The following CLASP1 variants were observed in gnomAD, a reference collection of about 807,000 sequenced individuals.
CLASP1 encodes the protein CLIP-associating protein 1.
In CLASP1, 38 loss-of-function variants were observed where a neutral mutation model predicts 192.3. The observed-to-expected ratio is 0.20, with a 90% confidence interval of 0.15 to 0.26. The LOEUF (loss-of-function observed/expected upper bound fraction) is 0.26. CLASP1 is among the 10% of genes least tolerant of loss of function. The probability of loss-of-function intolerance (pLI) is 1.00; values close to 1 mark genes in which losing one functional copy is unlikely to be tolerated. For missense variants in CLASP1, 1,433 were observed against 1,932.5 expected (o/e 0.74, Z 4.85); for synonymous variants, 691 against 712.8 (o/e 0.97, Z 0.49).
intron 16 of CLASP1, 109 bp downstream of exon 16, chr2:121,450,804 T>G: frequency 1.4e-6 from 1 of 735,758 alleles, no homozygotes; most frequent in Non-Finnish European, 2.2e-6. Context: ...TTAAAAGTCA[T>G]GGTTAACAAA....
At chr2:121,498,334 C>A (rs1169550457) in intron 8 of CLASP1, among the ~76,000 whole-genome samples, 1 of 151,874 alleles carries the variant, frequency 6.6e-6, no homozygotes, top group East Asian at 1.9e-4. Context: ...CCACCACCCC[C>A]CCAGCTGGGA....
chr2:121,449,252 G>A (rs780652042), intron 16 of CLASP1, 132 bp from the exon 17 acceptor site: 10 of 701,766 alleles, frequency 1.4e-5, no homozygotes, highest in South Asian at 2.1e-5. Context: ...AGCAGGAGGA[G>A]AGGGTAAACA....
intron 22 of CLASP1, among the ~76,000 whole-genome samples, chr2:121,423,463 A>T (rs903513407): frequency 6.6e-6 from 1 of 152,210 alleles, no homozygotes. Flanking sequence ...TTCAAGAAGA[A>T]GATTAAAATG....
At chr2:121,433,325 GA>G (rs1312953084) in intron 19 of CLASP1, among the ~76,000 whole-genome samples, 969 of 93,574 alleles carry the variant, frequency 0.01, 7 homozygotes, top group African/African-American at 0.032. Flanking sequence ...GTCTAAAAAA[GA>G]AAAAAAAAAA....
intron 30 of CLASP1, among the ~76,000 whole-genome samples, chr2:121,392,017 AT>A (rs1252050480): frequency 6.6e-6 from 1 of 152,180 alleles, no homozygotes; most frequent in Admixed American, 6.5e-5. Context: ...TTATAATCAT[AT>A]TTTTTTAAAA....
At chr2:121,414,477 C>T (rs1046868277) in intron 23 of CLASP1, among the ~76,000 whole-genome samples, 2 of 152,132 alleles carry the variant, frequency 1.3e-5, no homozygotes, top group African/African-American at 4.8e-5. Flanking sequence ...ACTCGGACTC[C>T]AGGGTTATAT....
intron 8 of CLASP1, among the ~76,000 whole-genome samples, chr2:121,491,060 G>A (rs1036181997): frequency 6.6e-6 from 1 of 152,176 alleles, no homozygotes; most frequent in Admixed American, 6.5e-5. Flanking sequence ...AACAGAATCT[G>A]TCAATGGTCT....
chr2:121,530,193 G>C, intron 3 of CLASP1, 54 bp downstream of exon 3: 1 of 1,469,122 alleles, frequency 6.8e-7, no homozygotes, highest in Non-Finnish European at 9.3e-7. Flanking sequence ...GGAGGCCGAG[G>C]GAAGGCTGGG....
In CLASP1 at chr2:121,603,250, A is replaced by T. The variant is rs529422059; in HGVS notation, c.195+2451T>A. The stretch of plus-strand genomic sequence containing the variant: ...TATATATATATACATATCCAATTTT[A>T]AAAATGGACAAATAATCTGAACAGA... On this transcript the variant is annotated intron_variant, in intron 2 of 39. Transcript: ENST00000263710. 3.9e-5 allele frequency: 6 copies of T among 152,166 alleles called. No individual in the cohort carries two copies. The South Asian group carries it at 1.2e-3, about 32-fold the overall frequency. The allele number at this position is 152,166 out of a possible 1,614,324, so 9.4% of individuals were successfully genotyped here. A position where few individuals can be genotyped will look rare whatever the true frequency, so the allele number is the denominator to read the frequency against.
At chr2:121,382,358 A>T (rs866599850) in intron 32 of CLASP1, 34 bp from the exon 34 acceptor site, 5 of 1,394,326 alleles carry the variant, frequency 3.6e-6, no homozygotes, top group Middle Eastern at 1.9e-4. Flanking sequence ...TCAGAGAGAG[A>T]AATACAAAAA....
intron 2 of CLASP1, among the ~76,000 whole-genome samples, chr2:121,589,351 C>G (rs536608180): frequency 6.6e-6 from 1 of 152,144 alleles, no homozygotes; most frequent in Non-Finnish European, 1.5e-5. Context: ...CACTATAGGC[C>G]GGGTGCGGTG....
At chr2:121,483,548 GTGTGTGTATATATATGTATGTATATATA>G (rs2092768596) in intron 8 of CLASP1, among the ~76,000 whole-genome samples, 1 of 150,610 alleles carries the variant, frequency 6.6e-6, no homozygotes, top group Non-Finnish European at 1.5e-5. Flanking sequence ...ATGTATATAT[GTGTGTGTATATATATGTATGTATATATA>G]TGTGTGTATA....
intron 37 of CLASP1, among the ~76,000 whole-genome samples, chr2:121,358,510 G>C (rs2065817258): frequency 6.6e-6 from 1 of 152,184 alleles, no homozygotes; most frequent in Admixed American, 6.5e-5. Flanking sequence ...GTCAGCTAGT[G>C]ATTCTAACTG....
intron 8 of CLASP1, among the ~76,000 whole-genome samples, chr2:121,496,498 C>T (rs2093538709): frequency 6.6e-6 from 1 of 152,080 alleles, no homozygotes; most frequent in Non-Finnish European, 1.5e-5. Flanking sequence ...TGGGAAAAAG[C>T]AGAGAGAAAA....
chr2:121,530,394 C>G, intron 2 of CLASP1, 69 bp from the exon 3 acceptor site: 1 of 1,287,462 alleles, frequency 7.8e-7, no homozygotes, highest in Non-Finnish European at 1.1e-6. Flanking sequence ...CCACCCGCTC[C>G]GGGGAGGCCT....
At position 121,410,252 on chromosome 2, in the gene CLASP1, C is replaced by T. The variant is rs565264484; in HGVS notation, c.2424+614G>A. On this transcript the variant is annotated intron_variant, in intron 24 of 39. Coordinates refer to ENST00000263710, the Ensembl canonical transcript of CLASP1. ...AAAGCAATCTGACCACAAGCTGATT[C>T]TACTAGGAAACTTTTTGGTATAACC... Among the ~76,000 whole-genome samples the T allele has an allele frequency of 2.6e-5, 4 of 152,210 alleles. No individual in the cohort carries two copies. The East Asian group carries it at 7.7e-4, about 29-fold the overall frequency.
chr2:121,382,200 C>A lies in CLASP1; in HGVS notation c.3491+8G>T, dbSNP rs543508575. 2 of 1,594,088 alleles carry A rather than the reference C, an allele frequency of 1.3e-6. No individual in the cohort carries two copies. Among genetic ancestry groups the A allele is most frequent in the Non-Finnish European group, 1.7e-6 (2 of 1,167,360 alleles). On this transcript the variant is annotated splice_region_variant and intron_variant, in intron 33 of 39. Transcript: ENST00000263710. ...CACCTCAGACAAGTTTGACAGGTAGCTTGTTACCTGGGAGAGTAAGAGCGC... is the reference window on the plus strand; with the variant it reads ...CACCTCAGACAAGTTTGACAGGTAGATTGTTACCTGGGAGAGTAAGAGCGC...
At chr2:121,517,905 A>T (rs1439394611) in intron 6 of CLASP1, among the ~76,000 whole-genome samples, 10 of 114,434 alleles carry the variant, frequency 8.7e-5, no homozygotes, top group African/African-American at 3.7e-4. Flanking sequence ...AAAAGGAGGT[A>T]ACTGGGTATG....
intron 2 of CLASP1, among the ~76,000 whole-genome samples, chr2:121,538,576 A>G (rs1282777944): frequency 1.3e-5 from 2 of 152,066 alleles, no homozygotes; most frequent in African/African-American, 4.8e-5. Context: ...TCACGAGGTC[A>G]GGAGATGGAG....
Sources: gnomAD v4.1 joint callset for allele counts (sites outside exome capture counted in the v4.1 genomes callset) on GRCh38, gnomAD v4.1.1 for gene constraint, MANE v1.5 for transcripts, NCBI Gene and HGNC (gene_info 2026-07-23, HGNC 2026-07-21) for gene names.